Variants in ELOB observed in about 807,000 individuals in gnomAD.
ELOB encodes elongin-B.
ELOB carries 3 observed loss-of-function variants against 12.9 expected under a neutral mutation model. The observed-to-expected ratio is 0.23, with a 90% CI of 0.11 to 0.60. The LOEUF (loss-of-function observed/expected upper bound fraction) is 0.60. Ranked by LOEUF, ELOB falls within the 20% of genes least tolerant of loss-of-function variation. ELOB has a pLI of 0.89. For synonymous variants in ELOB, 84 were observed against 67.4 expected (o/e 1.25, Z -1.21); for missense variants, 126 against 159.2 (o/e 0.79, Z 1.12).
chr16:2,771,480 C>T lies in ELOB; in HGVS notation c.*510G>A, dbSNP rs200168704. ...GCCACTTCCCTCCGTGATTACAGCC[C>T]CCAGCGTGGGTGGACCTGTGTGGGT... On this transcript the variant is annotated 3_prime_UTR_variant, in exon 4 of 4. Coordinates refer to ENST00000409906, the MANE Select transcript of ELOB (RefSeq NM_007108.4). 32 of 1,614,194 alleles carry T rather than the reference C, an allele frequency of 2.0e-5. No homozygotes were observed. In the African/African-American group the frequency reaches 3.9e-4, roughly 19 times the overall value.
At chr16:2,777,201 G>A in intron 1 of ELOB, 36 bp downstream of exon 1, 1 of 828,122 alleles carries the variant, frequency 1.2e-6, no homozygotes, top group South Asian at 5.4e-5. Flanking sequence ...GCCGCCCCCG[G>A]CCCGGCCCGG....
In ELOB at chr16:2,775,025, G is replaced by A. The variant is rs369080605; in HGVS notation, c.244+426C>T. Among the ~76,000 whole-genome samples the A allele has an allele frequency of 1.1e-4, 17 of 152,268 alleles. 1 individual carries two copies. The South Asian group carries it at 2.7e-3, about 24-fold the overall frequency. ...TGATGTCTGACTCCAGCAAGGGCCC[G>A]GCAGTCAGCATCCTAACCGTGGCTC... On this transcript the variant is annotated intron_variant, in intron 3 of 3. Transcript: ENST00000409906.
rs1343697436 is a variant in ELOB at position 2,777,248 on chromosome 16, C to G, written c.-9G>C. ...CCACGCCCGCTCACCATCGCGGCTG[C>G]TGCCTCTCCCCTCGACGCGCCGGCG... On this transcript the variant is annotated 5_prime_UTR_variant, in exon 1 of 4. Coordinates refer to ENST00000409906, the MANE Select transcript of ELOB (RefSeq NM_007108.4). 1 of 1,024,830 alleles carries G rather than the reference C, an allele frequency of 9.8e-7. No homozygotes were observed. Among genetic ancestry groups the G allele is most frequent in the African/African-American group, 1.7e-5 (1 of 57,450 alleles). The allele number at this position is 1,024,830 out of a possible 1,614,324, so 63.5% of individuals were successfully genotyped here.
chr16:2,771,821 A>AG lies in ELOB; in HGVS notation c.*168dup. 3 of 1,451,748 alleles carry AG rather than the reference A, an allele frequency of 2.1e-6. No homozygotes were observed. Among genetic ancestry groups the AG allele is most frequent in the Non-Finnish European group, 2.7e-6 (3 of 1,106,052 alleles). The allele number at this position is 1,451,748 out of a possible 1,614,324, so 89.9% of individuals were successfully genotyped here. ...AGCAGGCTGGGCCAAGTTCTCAGCC[A>AG]GGGTCTCAGGATCTGGGAGACAGGA... On this transcript the variant is annotated 3_prime_UTR_variant, in exon 4 of 4. Coordinates refer to ENST00000409906, the MANE Select transcript of ELOB (RefSeq NM_007108.4).
intron 2 of ELOB, 93 bp downstream of exon 2, chr16:2,776,900 C>T (rs1318398394): frequency 4.2e-6 from 6 of 1,433,508 alleles, no homozygotes; most frequent in Admixed American, 4.9e-5. Context: ...CAGGCGTCGC[C>T]GGCCGCTACT....
chr16:2,772,967 A>C lies in ELOB; in HGVS notation c.245-865T>G, dbSNP rs192766847. 4.6e-4 allele frequency among the ~76,000 whole-genome samples: 70 copies of C among 152,234 alleles called. 1 individual carries two copies. The highest frequency in any genetic ancestry group is 1.6e-3 in the African/African-American group (65 of 41,536). On this transcript the variant is annotated intron_variant, in intron 3 of 3. Coordinates refer to ENST00000409906, the MANE Select transcript of ELOB (RefSeq NM_007108.4). ...CCAACTCAGGTCACCTCCTCAGATG[A>C]ACCTCCAGTCCACGCACCCCCAAAA...
In ELOB at chr16:2,771,736, C is replaced by G; in HGVS notation, c.*254G>C. 6.5e-7 allele frequency: 1 copy of G among 1,529,944 alleles called. No homozygotes were observed. The highest frequency in any genetic ancestry group is 1.4e-5 in the African/African-American group (1 of 72,910). 94.8% of individuals were successfully genotyped at this position (1,529,944 alleles called of 1,614,324 possible). ...CCCCTGGCGTGGTTGGTGTGGCTGG[C>G]TAGCTGCTAACAATGGCTTGGGTCT... On this transcript the variant is annotated 3_prime_UTR_variant, in exon 4 of 4. Transcript: ENST00000409906.
At chr16:2,772,722 C>G (rs1449596307) in intron 3 of ELOB, among the ~76,000 whole-genome samples, 1 of 151,528 alleles carries the variant, frequency 6.6e-6, no homozygotes, top group Non-Finnish European at 1.5e-5. Context: ...AAAAATCAAA[C>G]TAGACTATCT....
intron 3 of ELOB, 101 bp from the exon 4 acceptor site, chr16:2,772,203 A>G: frequency 7.4e-7 from 1 of 1,355,694 alleles, no homozygotes; most frequent in Non-Finnish European, 9.8e-7. Context: ...GGGGATCTCC[A>G]TGCGAACGCC....
intron 3 of ELOB, among the ~76,000 whole-genome samples, chr16:2,775,046 G>A (rs766793535): frequency 6.6e-6 from 1 of 152,162 alleles, no homozygotes; most frequent in Non-Finnish European, 1.5e-5. Flanking sequence ...TCCTAACCGT[G>A]GCTCCCTACG....
chr16:2,772,059 C>A lies in ELOB; in HGVS notation c.288G>T (p.Pro96=), dbSNP rs371338420. 1 of 1,612,384 alleles carries A rather than the reference C, an allele frequency of 6.2e-7. No homozygotes were observed. The highest frequency in any genetic ancestry group is 1.3e-5 in the African/African-American group (1 of 74,922). ...GCTTCATCACATCGGGCAGCTCTGG[C>A]GGGCTGGAAAACGGCTCGATGCACA... The part of the protein sequence containing the change: ...EALCIEPFSS[P]PELPDVMKPQ... The change falls in exon 4 of 4, where the codon CCG becomes CCT. Residue 96 remains proline (P), a synonymous_variant. Coordinates refer to ENST00000409906, the MANE Select transcript of ELOB (RefSeq NM_007108.4).
Position 2,771,536 on chromosome 16 carries a change from G to A in ELOB, c.*454C>T. On this transcript the variant is annotated 3_prime_UTR_variant, in exon 4 of 4. Coordinates refer to ENST00000409906, the MANE Select transcript of ELOB (RefSeq NM_007108.4). Reference sequence around the variant, plus strand: ...TTGGGGTTCCCTCGTTGAACATGCTGTCAAACCAGGACACTGGCTCCAGCT... The same window carrying A: ...TTGGGGTTCCCTCGTTGAACATGCTATCAAACCAGGACACTGGCTCCAGCT... 1 of 1,614,234 alleles carries A rather than the reference G, an allele frequency of 6.2e-7. No homozygotes were observed. Among genetic ancestry groups the A allele is most frequent in the Non-Finnish European group, 8.5e-7 (1 of 1,180,044 alleles).
chr16:2,771,521 C>T lies in ELOB; in HGVS notation c.*469G>A. 6.2e-7 allele frequency: 1 copy of T among 1,614,180 alleles called. No individual in the cohort carries two copies. The highest frequency in any genetic ancestry group is 1.1e-5 in the South Asian group (1 of 91,086). On this transcript the variant is annotated 3_prime_UTR_variant, in exon 4 of 4. Coordinates refer to ENST00000409906, the MANE Select transcript of ELOB (RefSeq NM_007108.4). ...CTGTGTGGGTCCGTCTTGGGGTTCC[C>T]TCGTTGAACATGCTGTCAAACCAGG... is the stretch of plus-strand genomic sequence containing the variant.
chr16:2,776,950 G>A (rs750908164), intron 2 of ELOB, 43 bp downstream of exon 2: 12 of 1,524,276 alleles, frequency 7.9e-6, no homozygotes, highest in Non-Finnish European at 9.7e-6. Context: ...CCCCGTGCCC[G>A]GCGCCGGGTA....
intron 2 of ELOB, 40 bp from the exon 3 acceptor site, chr16:2,775,596 G>A: frequency 2.6e-6 from 4 of 1,542,402 alleles, no homozygotes; most frequent in Middle Eastern, 1.7e-4. Context: ...GCCCTACATG[G>A]GGCAAGTCCC....
chr16:2,776,572 C>T (rs746472100), intron 2 of ELOB, among the ~76,000 whole-genome samples: 10 of 152,228 alleles, frequency 6.6e-5, no homozygotes, highest in Non-Finnish European at 1.2e-4. Flanking sequence ...AGTTCCCCAC[C>T]CTCCACCCGA....
rs1042929123 is a variant in ELOB, at chr16:2,771,713, C to G, written c.*277G>C. 1.6e-5 allele frequency: 25 copies of G among 1,563,280 alleles called. No homozygotes were observed. The African/African-American group carries it at 2.6e-4, about 16-fold the overall frequency. On this transcript the variant is annotated 3_prime_UTR_variant, in exon 4 of 4. Coordinates refer to ENST00000409906, the MANE Select transcript of ELOB (RefSeq NM_007108.4). ...TCTCCCAGTCCTTCCCTTTCCTCCCCCTGGCGTGGTTGGTGTGGCTGGCTA... is the reference window on the plus strand; with the variant it reads ...TCTCCCAGTCCTTCCCTTTCCTCCCGCTGGCGTGGTTGGTGTGGCTGGCTA...
rs1473971066 is a variant in ELOB at position 2,771,616 on chromosome 16, G to A, written c.*374C>T. 3.1e-6 allele frequency: 5 copies of A among 1,614,034 alleles called. No individual in the cohort carries two copies. Among genetic ancestry groups the A allele is most frequent in the African/African-American group, 1.3e-5 (1 of 75,018 alleles). ...AGTGGACATGCAGGCTATGGGGGTG[G>A]GGGGCACTTAGAAGGAGAAAGGCCT... On this transcript the variant is annotated 3_prime_UTR_variant, in exon 4 of 4. Coordinates refer to ENST00000409906, the MANE Select transcript of ELOB (RefSeq NM_007108.4).
At chr16:2,776,592 CG>C (rs1272335579) in intron 2 of ELOB, among the ~76,000 whole-genome samples, 2 of 152,172 alleles carry the variant, frequency 1.3e-5, no homozygotes, top group African/African-American at 2.4e-5. Flanking sequence ...AAGGAGTGTC[CG>C]GGGGGACAGC....
Sources: gnomAD v4.1 joint callset for allele counts (sites outside exome capture counted in the v4.1 genomes callset) on GRCh38, gnomAD v4.1.1 for gene constraint, MANE v1.5 for transcripts, NCBI Gene and HGNC (gene_info 2026-07-23, HGNC 2026-07-21) for gene names.